PSMG2: variants seen among roughly 807,000 people sequenced by gnomAD.
PSMG2 encodes the protein CD40 ligand-activated specific transcript 3.
PSMG2 carries 21 observed loss-of-function variants against 31.5 expected under a neutral mutation model. The observed-to-expected ratio is 0.67, with a 90% confidence interval of 0.47 to 0.96. PSMG2 has a LOEUF of 0.96. Among genes scored for constraint, PSMG2 ranks in the 40% least tolerant of loss-of-function variants. The probability of loss-of-function intolerance (pLI) is 0.00; values close to 1 mark genes in which losing one functional copy is unlikely to be tolerated. For missense variants in PSMG2, 318 were observed against 321.2 expected (o/e 0.99, Z 0.08); for synonymous variants, 120 against 110.4 (o/e 1.09, Z -0.54).
chr18:12,669,550 CAT>C (rs1038149926), intron 1 of PSMG2, among the ~76,000 whole-genome samples: 16 of 152,208 alleles, frequency 1.1e-4, no homozygotes, highest in African/African-American at 3.9e-4. Context: ...ACTAAATAGA[CAT>C]ATATAAAACT....
chr18:12,680,495 C>T (rs367561574), intron 1 of PSMG2, among the ~76,000 whole-genome samples: 50 of 148,988 alleles, frequency 3.4e-4, no homozygotes, highest in African/African-American at 1.1e-3. Flanking sequence ...ACTTGGGAGG[C>T]TGAGACAGGA....
At chr18:12,689,455 C>T (rs1052229884) in intron 1 of PSMG2, among the ~76,000 whole-genome samples, 1 of 152,200 alleles carries the variant, frequency 6.6e-6, no homozygotes, top group African/African-American at 2.4e-5. Context: ...CTTCTCTAAC[C>T]TTCATACTGT....
intron 1 of PSMG2, among the ~76,000 whole-genome samples, chr18:12,687,547 G>C (rs1279203974): frequency 6.6e-6 from 1 of 151,388 alleles, no homozygotes. Flanking sequence ...TCCGCCCATG[G>C]GTTCAAGCGA....
chr18:12,713,187 T>G (rs1307139362), intron 3 of PSMG2, among the ~76,000 whole-genome samples: 1 of 152,160 alleles, frequency 6.6e-6, no homozygotes, highest in Non-Finnish European at 1.5e-5. Flanking sequence ...TGCCCCTGAC[T>G]AACTTGCTGA....
At chr18:12,683,279 G>C (rs2039416886) in intron 1 of PSMG2, among the ~76,000 whole-genome samples, 1 of 151,110 alleles carries the variant, frequency 6.6e-6, no homozygotes, top group Non-Finnish European at 1.5e-5. Flanking sequence ...TTGAGGCTGG[G>C]AGGCGGAGGT....
chr18:12,675,248 G>A (rs897967237), intron 1 of PSMG2, among the ~76,000 whole-genome samples: 1 of 151,918 alleles, frequency 6.6e-6, no homozygotes, highest in Non-Finnish European at 1.5e-5. Context: ...TACAAAAAAT[G>A]AGTTGGGCGT....
chr18:12,686,504 GT>G lies in PSMG2; in HGVS notation c.-36-20039del, dbSNP rs762845340. On this transcript the variant is annotated intron_variant, in intron 1 of 6. Transcript: ENST00000585331. ...TGACATATTAATCATCCCCAATTAT[GT>G]TTTTTTCAAATACATTAATGTAGGA... The G allele has an allele frequency of 3.1e-6, 4 of 1,302,588 alleles. No homozygotes were observed. The African/African-American group carries it at 5.9e-5, about 19-fold the overall frequency. 80.7% of individuals were successfully genotyped at this position (1,302,588 alleles called of 1,614,324 possible). A position where few individuals can be genotyped will look rare whatever the true frequency, so the allele number is the denominator to read the frequency against.
chr18:12,695,274 G>C, intron 1 of PSMG2: 3 of 1,539,106 alleles, frequency 1.9e-6, no homozygotes, highest in Non-Finnish European at 2.7e-6. Flanking sequence ...ACTACTTCTT[G>C]AGATAACGTT....
chr18:12,678,826 C>T (rs1176891200), intron 1 of PSMG2, among the ~76,000 whole-genome samples: 2 of 151,918 alleles, frequency 1.3e-5, no homozygotes, highest in African/African-American at 4.8e-5. Context: ...CATGGGAGCA[C>T]GTGCCTGTAG....
chr18:12,701,737 C>A (rs989477427), upstream of PSMG2, among the ~76,000 whole-genome samples: 1 of 152,182 alleles, frequency 6.6e-6, no homozygotes, highest in African/African-American at 2.4e-5. Flanking sequence ...TCCGTCATTA[C>A]AAACCCTTTA....
chr18:12,667,955 C>T (rs1341964375), intron 1 of PSMG2, among the ~76,000 whole-genome samples: 3 of 148,908 alleles, frequency 2.0e-5, no homozygotes, highest in African/African-American at 7.4e-5. Context: ...AATCCAGCCA[C>T]ATCAATAATA....
intron 1 of PSMG2, among the ~76,000 whole-genome samples, chr18:12,676,788 T>C (rs1449866947): frequency 1.3e-5 from 2 of 152,134 alleles, no homozygotes; most frequent in African/African-American, 4.8e-5. Flanking sequence ...CTTTGATAAG[T>C]TGACAAGTGA....
chr18:12,702,004 G>A (rs761375657), upstream of PSMG2, among the ~76,000 whole-genome samples: 2 of 152,172 alleles, frequency 1.3e-5, no homozygotes, highest in South Asian at 4.1e-4. Flanking sequence ...GCGCGCGCCT[G>A]TAATCCCAGC....
At chr18:12,711,959 A>G (rs971330572) in intron 2 of PSMG2, among the ~76,000 whole-genome samples, 2 of 151,840 alleles carry the variant, frequency 1.3e-5, no homozygotes, top group African/African-American at 4.8e-5. Flanking sequence ...TTCATTCACC[A>G]TGTTAGCTAG....
intron 1 of PSMG2, among the ~76,000 whole-genome samples, chr18:12,676,662 G>A (rs560494687): frequency 6.6e-6 from 1 of 152,158 alleles, no homozygotes; most frequent in Non-Finnish European, 1.5e-5. Context: ...TGGAAGGAAA[G>A]AAAAAGTAAT....
At chr18:12,718,496 T>A (rs1312405529) in intron 3 of PSMG2, 21 bp from the exon 4 acceptor site, 1 of 1,481,326 alleles carries the variant, frequency 6.8e-7, no homozygotes, top group African/African-American at 1.4e-5. Flanking sequence ...TTTCTTTTTA[T>A]TCTCTCAATG....
upstream of PSMG2, among the ~76,000 whole-genome samples, chr18:12,698,495 G>C (rs1243248972): frequency 6.6e-6 from 1 of 152,104 alleles, no homozygotes; most frequent in South Asian, 2.1e-4. Flanking sequence ...TAGAGACAAT[G>C]TCTCACTTTG....
At chr18:12,659,649 G>A (rs2038654078) in intron 1 of PSMG2, among the ~76,000 whole-genome samples, 1 of 152,114 alleles carries the variant, frequency 6.6e-6, no homozygotes, top group Non-Finnish European at 1.5e-5. Flanking sequence ...CAGCCTGGGG[G>A]ACAGAGCGAG....
intron 1 of PSMG2, among the ~76,000 whole-genome samples, chr18:12,687,879 C>T (rs1220070281): frequency 6.6e-6 from 1 of 151,950 alleles, no homozygotes; most frequent in African/African-American, 2.4e-5. Context: ...AATACTAAGT[C>T]CTGAAATCAC....
Sources: allele counts gnomAD v4.1 joint callset (sites outside exome capture counted in the v4.1 genomes callset), GRCh38; gene constraint gnomAD v4.1.1; transcripts MANE v1.5; gene names NCBI Gene and HGNC (gene_info 2026-07-23, HGNC 2026-07-21).